KCNT1: variants seen among roughly 807,000 people sequenced by gnomAD.
KCNT1 encodes the protein potassium channel subfamily T member 1.
A neutral mutation model predicts 147.8 loss-of-function variants in KCNT1; 78 were observed. The ratio of observed to expected loss-of-function variants is 0.53; its 90% CI spans 0.44 to 0.64. KCNT1 has a LOEUF of 0.64. KCNT1 is among the 30% of genes least tolerant of loss of function. The pLI is 0.00. For missense variants in KCNT1, 1,419 were observed against 1,750.3 expected, an observed-to-expected ratio of 0.81 and a Z score of 3.38; for synonymous variants, 867 against 748.8, an observed-to-expected ratio of 1.16 and a Z score of -2.58.
In KCNT1 at chr9:135,777,397, C is replaced by T. The variant is rs557969167; in HGVS notation, c.2409C>T (p.Ile803=). Residue 803 remains isoleucine (I), a synonymous_variant, in exon 21 of 31, where the codon ATC becomes ATT. Coordinates refer to ENST00000371757, the MANE Select transcript of KCNT1 (RefSeq NM_020822.3). ...CCTACGGGTTCAAGAACAAGCTGAT[C>T]ATCGTCTCGGCAGAGACGGCCGGCA... The part of the protein sequence containing the change: ...AKAYGFKNKL[I]IVSAETAGNG... 8.7e-6 allele frequency: 14 copies of T among 1,614,106 alleles called. No individual in the cohort carries two copies. The highest frequency in any genetic ancestry group is 1.7e-5 in the Admixed American group (1 of 60,022).
chr9:135,777,300 G>A (rs755469388), intron 20 of KCNT1, 38 bp from the exon 21 acceptor site: 2 of 1,575,802 alleles, frequency 1.3e-6, no homozygotes, highest in East Asian at 2.2e-5. Context: ...AGGAACCACA[G>A]CCCTGACTCC....
intron 28 of KCNT1, 144 bp downstream of exon 28, chr9:135,785,474 G>A (rs941000798): frequency 9.8e-7 from 1 of 1,021,248 alleles, no homozygotes; most frequent in Non-Finnish European, 1.5e-6. Context: ...CCACGGATGT[G>A]TCGGCCCCAG....
At chr9:135,741,297 C>A (rs916933309) in intron 2 of KCNT1, among the ~76,000 whole-genome samples, 1 of 152,208 alleles carries the variant, frequency 6.6e-6, no homozygotes. Context: ...GGAGAGAGGA[C>A]ACAGTGGGCC....
At chr9:135,722,002 C>T (rs1293060742) in intron 2 of KCNT1, among the ~76,000 whole-genome samples, 1 of 152,202 alleles carries the variant, frequency 6.6e-6, no homozygotes, top group Non-Finnish European at 1.5e-5. Flanking sequence ...GCGTTGCCTC[C>T]AGCCCTGGGT....
chr9:135,765,207 T>G lies in KCNT1; in HGVS notation c.1200+12T>G, dbSNP rs58604946. 368,413 of 1,603,724 alleles carry G rather than the reference T, an allele frequency of 0.23. 44,104 individuals are homozygous for G. Among genetic ancestry groups the G allele is most frequent in the Middle Eastern group, 0.32 (1,956 of 6,026 alleles). On this transcript the variant is annotated intron_variant, in intron 12 of 30. Coordinates refer to ENST00000371757, the MANE Select transcript of KCNT1 (RefSeq NM_020822.3). ...ACCCCCGGCTCCAGGTGAGGCCCCT[T>G]ACCGTGGCCCAGCAGACGACTCCCT...
intron 19 of KCNT1, 113 bp downstream of exon 19, chr9:135,773,062 G>A (rs1391676078): frequency 4.4e-6 from 3 of 689,058 alleles, no homozygotes; most frequent in Non-Finnish European, 4.4e-6. Flanking sequence ...TGCAGCTTCT[G>A]GACAGCTCCG....
intron 24 of KCNT1, among the ~76,000 whole-genome samples, chr9:135,782,785 G>A (rs1833704756): frequency 6.6e-6 from 1 of 152,208 alleles, no homozygotes; most frequent in African/African-American, 2.4e-5. Context: ...CGCGAAGTAC[G>A]GCTGGAATTC....
Position 135,728,792 on chromosome 9 carries a change from G to C in KCNT1, c.254+14072G>C, listed in dbSNP as rs528581199. ...AATCCAGGAGTGTTTTGCCGGGTCT[G>C]GTTATGGTGATTCACAAACCCCTTT... is the stretch of plus-strand genomic sequence containing the variant. On this transcript the variant is annotated intron_variant, in intron 2 of 30. Transcript: ENST00000371757. Among the ~76,000 whole-genome samples the C allele has an allele frequency of 1.1e-3, 174 of 152,326 alleles. 1 individual carries two copies. Among genetic ancestry groups the C allele is most frequent in the Admixed American group, 2.9e-3 (44 of 15,304 alleles).
intron 10 of KCNT1, 126 bp downstream of exon 10, chr9:135,758,634 G>A (rs1831681273): frequency 2.6e-6 from 2 of 755,788 alleles, no homozygotes; most frequent in South Asian, 3.3e-5. Context: ...CACAGTGCCT[G>A]GGCTGCGGGT....
At chr9:135,784,496 TCCCTCCCTCCCTCCCTC>T (rs1564390647) in intron 25 of KCNT1, 22 bp from the exon 26 acceptor site, 1 of 155,890 alleles carries the variant, frequency 6.4e-6, no homozygotes, top group Middle Eastern at 1.9e-3. Context: ...CCTCCCTCCC[TCCCTCCCTCCCTCCCTC>T]CCTCCCTCCC....
At chr9:135,777,542 C>T (rs781408858) in intron 21 of KCNT1, 32 bp downstream of exon 21, 1 of 1,595,846 alleles carries the variant, frequency 6.3e-7, no homozygotes, top group Non-Finnish European at 8.5e-7. Flanking sequence ...CCACCCCGCC[C>T]ACCCGGGCCC....
chr9:135,702,277 GC>G lies in KCNT1; in HGVS notation c.20del (p.Ala7GlyfsTer48), dbSNP rs757568103. The part of the protein sequence containing the change: MPLPDG[A>X]RTPGGVCREA... ...AGGCCGCATGCCACTCCCTGACGGG[GC>G]GCGGACCCCGGGGGGCGTCTGCCGG... On this transcript the variant is annotated frameshift_variant, in exon 1 of 31. Coordinates refer to ENST00000371757, the MANE Select transcript of KCNT1 (RefSeq NM_020822.3). LOFTEE classifies it high-confidence loss of function. 3.7e-6 allele frequency: 6 copies of G among 1,608,910 alleles called. No individual in the cohort carries two copies. The East Asian group carries it at 1.1e-4, about 30-fold the overall frequency.
At position 135,793,643 on chromosome 9, in the gene KCNT1, G is replaced by A. The variant is rs563193139; in HGVS notation, c.*1482G>A. The A allele has an allele frequency of 2.0e-5, 3 of 152,526 alleles. No homozygotes were observed. The East Asian group carries it at 5.8e-4, about 29-fold the overall frequency. The allele number at this position is 152,526 out of a possible 1,614,324, so 9.4% of individuals were successfully genotyped here. A position where few individuals can be genotyped will look rare whatever the true frequency, so the allele number is the denominator to read the frequency against. ...AGGTGCAGCCCCTCCCCGGTGTCAG[G>A]GCAGACAACACAGCAGCTGCTGGAG... On this transcript the variant is annotated 3_prime_UTR_variant, in exon 31 of 31. Transcript: ENST00000371757.
intron 24 of KCNT1, among the ~76,000 whole-genome samples, chr9:135,780,890 G>A (rs553253076): frequency 7.5e-4 from 115 of 152,368 alleles, no homozygotes; most frequent in Non-Finnish European, 8.7e-4. Context: ...GGATGCTGCC[G>A]TGGAGTCGGG....
At chr9:135,723,254 C>T (rs1403644919) in intron 2 of KCNT1, among the ~76,000 whole-genome samples, 6 of 152,226 alleles carry the variant, frequency 3.9e-5, no homozygotes, top group Admixed American at 3.9e-4. Context: ...TGAGCTGTCC[C>T]GTGACCCGTC....
rs542407254 is a variant in KCNT1 at position 135,770,226 on chromosome 9, G to A, written c.1620-72G>A. 6 of 1,526,222 alleles carry A rather than the reference G, an allele frequency of 3.9e-6. No homozygotes were observed. In the South Asian group the frequency reaches 6.2e-5, roughly 16 times the overall value. 94.5% of individuals were successfully genotyped at this position (1,526,222 alleles called of 1,614,324 possible). The stretch of plus-strand genomic sequence containing the variant: ...CCAGGGGAAGCAGAGGGGGGCACCT[G>A]CAGACCCAGCCGGGGAGAAGGGGCA... On this transcript the variant is annotated intron_variant, in intron 16 of 30. Transcript: ENST00000371757.
intron 1 of KCNT1, among the ~76,000 whole-genome samples, chr9:135,710,119 A>T (rs1342362395): frequency 6.6e-6 from 1 of 152,220 alleles, no homozygotes; most frequent in East Asian, 1.9e-4. Context: ...TTTGTTAAAC[A>T]GCAGTGTTTT....
chr9:135,719,030 G>C (rs961516388), intron 2 of KCNT1, among the ~76,000 whole-genome samples: 1 of 152,192 alleles, frequency 6.6e-6, no homozygotes, highest in Non-Finnish European at 1.5e-5. Context: ...ATGGTGTCTC[G>C]GGTGCTCCCA....
At chr9:135,728,294 T>C (rs1245729767) in intron 2 of KCNT1, among the ~76,000 whole-genome samples, 6 of 152,194 alleles carry the variant, frequency 3.9e-5, no homozygotes, top group Admixed American at 3.9e-4. Flanking sequence ...TGTGGTACTT[T>C]GTTATGGCAG....
Sources: allele counts gnomAD v4.1 joint callset (sites outside exome capture counted in the v4.1 genomes callset), GRCh38; gene constraint gnomAD v4.1.1; transcripts MANE v1.5; gene names NCBI Gene and HGNC (gene_info 2026-07-23, HGNC 2026-07-21).